The following SPMIP2 variants were observed in gnomAD, a reference collection of about 807,000 sequenced individuals.
SPMIP2 encodes the protein protein SPMIP2.
At chr4:158,943,967 T>TGCCTCA in the SPMIP2 span, among the ~76,000 whole-genome samples, 1 of 148,968 alleles carries the variant, frequency 6.7e-6, no homozygotes, top group East Asian at 2.0e-4. Flanking sequence ...GTGATTGTTC[T>TGCCTCA]GCCTCAGCCT....
At chr4:158,897,639 T>G in the SPMIP2 span, among the ~76,000 whole-genome samples, 1 of 152,232 alleles carries the variant, frequency 6.6e-6, no homozygotes, top group Non-Finnish European at 1.5e-5. Context: ...ATAAATGTCT[T>G]CTTTTGAGAA....
chr4:158,926,400 A>T, the SPMIP2 span, among the ~76,000 whole-genome samples: 1 of 152,032 alleles, frequency 6.6e-6, no homozygotes, highest in Non-Finnish European at 1.5e-5. Context: ...GTTTATCTCA[A>T]AATATTTTCT....
chr4:158,895,319 T>C, the SPMIP2 span, among the ~76,000 whole-genome samples: 1 of 152,200 alleles, frequency 6.6e-6, no homozygotes, highest in African/African-American at 2.4e-5. Flanking sequence ...AACCATACTG[T>C]TTACTAAATT....
At chr4:158,978,168 C>T in the SPMIP2 span, among the ~76,000 whole-genome samples, 1,397 of 152,224 alleles carry the variant, frequency 9.2e-3, 10 homozygotes, top group Non-Finnish European at 0.014. Context: ...GCCTTCATTT[C>T]GTTATTTACC....
chr4:158,948,586 G>T, the SPMIP2 span, among the ~76,000 whole-genome samples: 2 of 143,788 alleles, frequency 1.4e-5, no homozygotes, highest in Non-Finnish European at 3.0e-5. Context: ...GCCTGTATGT[G>T]GTTTGTTTTT....
the SPMIP2 span, among the ~76,000 whole-genome samples, chr4:158,985,400 C>A: frequency 2.0e-5 from 3 of 149,516 alleles, no homozygotes; most frequent in Non-Finnish European, 3.0e-5. Context: ...TACTGGCAAA[C>A]CGAATCCAGC....
chr4:158,924,358 A>G, the SPMIP2 span, among the ~76,000 whole-genome samples: 35 of 152,256 alleles, frequency 2.3e-4, no homozygotes, highest in South Asian at 2.1e-4. Context: ...ATTTATTGCG[A>G]GGATCATATG....
chr4:159,003,176 T>C, the SPMIP2 span, among the ~76,000 whole-genome samples: 3 of 152,308 alleles, frequency 2.0e-5, no homozygotes, highest in Non-Finnish European at 4.4e-5. Context: ...TTTCTTGTGG[T>C]TCGCAATTGG....
the SPMIP2 span, among the ~76,000 whole-genome samples, chr4:158,981,253 G>A: frequency 6.6e-6 from 1 of 152,184 alleles, no homozygotes; most frequent in South Asian, 2.1e-4. Flanking sequence ...AAGTGACAGG[G>A]AGAATGGAAC....
At chr4:159,081,098 C>G in the SPMIP2 span, among the ~76,000 whole-genome samples, 1 of 147,608 alleles carries the variant, frequency 6.8e-6, no homozygotes, top group Admixed American at 6.9e-5. Context: ...AGTGCAGTGG[C>G]ATGATCTTGG....
At chr4:159,011,729 G>A in the SPMIP2 span, among the ~76,000 whole-genome samples, 3 of 148,382 alleles carry the variant, frequency 2.0e-5, no homozygotes, top group South Asian at 2.2e-4. Context: ...ACTCCAGCCC[G>A]GGCAACAAGA....
At chr4:158,971,727 T>C in the SPMIP2 span, among the ~76,000 whole-genome samples, 2 of 152,178 alleles carry the variant, frequency 1.3e-5, no homozygotes, top group Admixed American at 6.5e-5. Flanking sequence ...TATTAACTTA[T>C]GCACTGTTTA....
At chr4:159,035,210 T>A in the SPMIP2 span, 1 of 778,012 alleles carries the variant, frequency 1.3e-6, no homozygotes, top group Non-Finnish European at 2.1e-6. Context: ...GCTTGTGACC[T>A]GCACCAGGTG....
the SPMIP2 span, among the ~76,000 whole-genome samples, chr4:158,918,918 C>T: frequency 6.6e-6 from 1 of 152,196 alleles, no homozygotes; most frequent in African/African-American, 2.4e-5. Context: ...AACACCACCA[C>T]CAGACATTTA....
the SPMIP2 span, among the ~76,000 whole-genome samples, chr4:158,986,366 G>A: frequency 5.7e-3 from 872 of 152,150 alleles, 6 homozygotes; most frequent in Middle Eastern, 0.027. Context: ...GAGGCATCAC[G>A]CTACCTGACT....
chr4:159,051,550 G>C, the SPMIP2 span, among the ~76,000 whole-genome samples: 4 of 152,062 alleles, frequency 2.6e-5, no homozygotes, highest in African/African-American at 7.2e-5. Flanking sequence ...TTTATACTAT[G>C]GTTATTTCCA....
the SPMIP2 span, among the ~76,000 whole-genome samples, chr4:159,008,611 C>T: frequency 6.6e-5 from 10 of 152,066 alleles, no homozygotes; most frequent in Admixed American, 6.6e-4. Context: ...AGAATTATGA[C>T]AGCGCCCATT....
the SPMIP2 span, among the ~76,000 whole-genome samples, chr4:159,012,580 ATT>A: frequency 2.3e-4 from 35 of 149,262 alleles, no homozygotes; most frequent in South Asian, 1.3e-3. Flanking sequence ...TGTTGAAATA[ATT>A]TTTTTTTTTT....
chr4:159,016,808 C>T, the SPMIP2 span, among the ~76,000 whole-genome samples: 1 of 152,184 alleles, frequency 6.6e-6, no homozygotes, highest in Non-Finnish European at 1.5e-5. Context: ...AAATGCATTC[C>T]GTTTCAGTTG....
Sources: gnomAD v4.1 joint callset for allele counts (sites outside exome capture counted in the v4.1 genomes callset) on GRCh38, gnomAD v4.1.1 for gene constraint, MANE v1.5 for transcripts, NCBI Gene and HGNC (gene_info 2026-07-23, HGNC 2026-07-21) for gene names.